Variants in LYPD6 observed in about 807,000 individuals in gnomAD.
LYPD6 encodes LY6/PLAUR domain containing 6, also known as ly6/PLAUR domain-containing protein 6.
A neutral mutation model predicts 22.7 loss-of-function variants in LYPD6; 15 were observed. The ratio of observed to expected loss-of-function variants is 0.66; its 90% CI spans 0.44 to 1.02. LYPD6 has a LOEUF of 1.02. Among genes scored for constraint, LYPD6 ranks in the 50% least tolerant of loss-of-function variants. The pLI is 0.00. For synonymous variants in LYPD6, 72 were observed against 77.5 expected (o/e 0.93, Z 0.37); for missense variants, 189 against 208.4 (o/e 0.91, Z 0.57).
chr2:149,400,445 T>C (rs1682528154), intron 1 of LYPD6, among the ~76,000 whole-genome samples: 1 of 152,144 alleles, frequency 6.6e-6, no homozygotes, highest in Non-Finnish European at 1.5e-5. Flanking sequence ...GAATGCCGCA[T>C]TGGTGTGTTT....
At chr2:149,347,219 A>G (rs1681274462) in intron 1 of LYPD6, among the ~76,000 whole-genome samples, 1 of 152,070 alleles carries the variant, frequency 6.6e-6, no homozygotes, top group Admixed American at 6.6e-5. Flanking sequence ...GAGAGAAGCA[A>G]GTTCTTCTAT....
intron 3 of LYPD6, among the ~76,000 whole-genome samples, chr2:149,465,860 A>G (rs1205507029): frequency 6.6e-6 from 1 of 152,198 alleles, no homozygotes; most frequent in Non-Finnish European, 1.5e-5. Context: ...TCTAATAGTA[A>G]AAGACTTTTG....
intron 1 of LYPD6, among the ~76,000 whole-genome samples, chr2:149,384,677 G>A (rs1682140546): frequency 6.6e-6 from 1 of 152,010 alleles, no homozygotes; most frequent in Admixed American, 6.6e-5. Context: ...ACTAGACAGT[G>A]GGACTTCCCT....
At chr2:149,333,491 T>C (rs1680976350) in intron 1 of LYPD6, among the ~76,000 whole-genome samples, 2 of 152,244 alleles carry the variant, frequency 1.3e-5, no homozygotes, top group Non-Finnish European at 2.9e-5. Flanking sequence ...TCACATACAC[T>C]AACTGTGGGA....
intron 1 of LYPD6, among the ~76,000 whole-genome samples, chr2:149,436,836 C>A (rs1273314694): frequency 1.3e-5 from 2 of 152,202 alleles, no homozygotes; most frequent in Non-Finnish European, 2.9e-5. Context: ...AGGCCTTGGC[C>A]TCCCAAAGTG....
intron 1 of LYPD6, among the ~76,000 whole-genome samples, chr2:149,432,439 TGA>T (rs111454352): frequency 0.18 from 28,127 of 152,112 alleles, 2,607 homozygotes; most frequent in Middle Eastern, 0.21. Flanking sequence ...TTCTGTTTCC[TGA>T]TCAGAGGTCC....
intron 2 of LYPD6, among the ~76,000 whole-genome samples, chr2:149,439,092 C>T (rs1683499022): frequency 6.6e-6 from 1 of 152,180 alleles, no homozygotes; most frequent in African/African-American, 2.4e-5. Context: ...GCCTATACCA[C>T]ACCAGGCAAT....
chr2:149,403,829 A>T (rs1212075814), intron 1 of LYPD6, among the ~76,000 whole-genome samples: 2 of 152,052 alleles, frequency 1.3e-5, no homozygotes, highest in African/African-American at 4.8e-5. Flanking sequence ...CTGAATGGTA[A>T]TGCCTAGGTT....
At chr2:149,332,569 T>G (rs1680959532) in intron 1 of LYPD6, among the ~76,000 whole-genome samples, 1 of 152,238 alleles carries the variant, frequency 6.6e-6, no homozygotes. Context: ...ATGAAACAAC[T>G]GAGGCTTTCA....
chr2:149,442,655 A>C (rs924090169), intron 2 of LYPD6, among the ~76,000 whole-genome samples: 1 of 152,148 alleles, frequency 6.6e-6, no homozygotes, highest in Non-Finnish European at 1.5e-5. Context: ...AAAAAAAAAA[A>C]AAAAACCTCT....
intron 1 of LYPD6, among the ~76,000 whole-genome samples, chr2:149,433,473 A>G (rs980566178): frequency 6.6e-6 from 1 of 152,214 alleles, no homozygotes; most frequent in Admixed American, 6.5e-5. Context: ...AGATATTGCC[A>G]TACAGTCAGG....
At chr2:149,375,466 G>T (rs1219068488) in intron 1 of LYPD6, among the ~76,000 whole-genome samples, 1 of 152,132 alleles carries the variant, frequency 6.6e-6, no homozygotes, top group African/African-American at 2.4e-5. Flanking sequence ...CTCTGTATTG[G>T]CATGACGAAA....
rs1683464717 is a variant in LYPD6 at position 149,437,721 on chromosome 2, C to G, written c.13C>G (p.Pro5Ala). ...ACTTCAGTCTGCCATGGAACCTGGC[C>G]CTGCTCTGGCCTGGCTCCTGCTCCT... is the stretch of plus-strand genomic sequence containing the variant. MEPGPALAWLLLLSL... is the reference protein window; with the variant it reads MEPGAALAWLLLLSL... The change falls in exon 2 of 5, where the codon CCT (proline) becomes GCT (alanine). Residue 5 changes from proline to alanine, a missense_variant. Transcript: ENST00000334166. The G allele has an allele frequency of 6.2e-7, 1 of 1,614,004 alleles. No individual in the cohort carries two copies. The highest frequency in any genetic ancestry group is 8.5e-7 in the Non-Finnish European group (1 of 1,180,022).
chr2:149,474,662 C>G (rs574865649), downstream of LYPD6, among the ~76,000 whole-genome samples: 3 of 152,070 alleles, frequency 2.0e-5, no homozygotes, highest in Non-Finnish European at 4.4e-5. Context: ...TGCTGATCTC[C>G]GTGGATAGTT....
At chr2:149,379,534 A>G (rs1177180285) in intron 1 of LYPD6, among the ~76,000 whole-genome samples, 1 of 152,202 alleles carries the variant, frequency 6.6e-6, no homozygotes, top group Non-Finnish European at 1.5e-5. Flanking sequence ...TTCAATGAAA[A>G]TCAGCAGTGG....
chr2:149,428,697 A>G (rs752404224), intron 1 of LYPD6, among the ~76,000 whole-genome samples: 1 of 152,228 alleles, frequency 6.6e-6, no homozygotes, highest in African/African-American at 2.4e-5. Flanking sequence ...ATAGTTACAC[A>G]TGATTGGTGT....
chr2:149,423,153 C>T (rs1683116748), intron 1 of LYPD6, among the ~76,000 whole-genome samples: 1 of 152,012 alleles, frequency 6.6e-6, no homozygotes, highest in Non-Finnish European at 1.5e-5. Context: ...TCATATGTAC[C>T]TGGAGGATCA....
At chr2:149,399,949 C>G (rs532317598) in intron 1 of LYPD6, among the ~76,000 whole-genome samples, 4 of 152,284 alleles carry the variant, frequency 2.6e-5, no homozygotes, top group African/African-American at 9.6e-5. Context: ...AAAAACACAG[C>G]ATTGGCAAAG....
intron 2 of LYPD6, among the ~76,000 whole-genome samples, chr2:149,441,903 C>A (rs1203133246): frequency 2.0e-5 from 3 of 152,136 alleles, no homozygotes. Flanking sequence ...TGTTTTGAAT[C>A]TTTCCTTAAT....
Sources: allele counts gnomAD v4.1 joint callset (sites outside exome capture counted in the v4.1 genomes callset), GRCh38; gene constraint gnomAD v4.1.1; transcripts MANE v1.5; gene names NCBI Gene and HGNC (gene_info 2026-07-23, HGNC 2026-07-21).